Variants in FAM91A1 observed in about 807,000 individuals in gnomAD.
FAM91A1 encodes the protein family with sequence similarity 91 member A1, also known as protein FAM91A1.
FAM91A1 carries 41 observed loss-of-function variants against 113.5 expected under a neutral mutation model. The observed-to-expected ratio is 0.36, with a 90% CI of 0.28 to 0.47. FAM91A1 has a LOEUF of 0.47. Ranked by LOEUF, FAM91A1 falls within the 20% of genes least tolerant of loss-of-function variation. The pLI is 1.00. For synonymous variants in FAM91A1, 307 were observed against 347.9 expected, an observed-to-expected ratio of 0.88 and a Z score of 1.31; for missense variants, 696 against 1,001.2, an observed-to-expected ratio of 0.70 and a Z score of 4.11.
At position 123,787,247 on chromosome 8, in the gene FAM91A1, A is replaced by T. The variant is rs1234502929; in HGVS notation, c.1079-14A>T. 1.3e-6 allele frequency: 2 copies of T among 1,570,860 alleles called. No individual in the cohort carries two copies. The highest frequency in any genetic ancestry group is 1.7e-6 in the Non-Finnish European group (2 of 1,147,486). ...ATTTCCATTTACTTGATTTTAAATT[A>T]TGGTGTTTTTCAGCTGACACAGCCA... On this transcript the variant is annotated splice_polypyrimidine_tract_variant and intron_variant, in intron 12 of 23. Coordinates refer to ENST00000334705, the MANE Select transcript of FAM91A1 (RefSeq NM_144963.4).
intron 6 of FAM91A1, 33 bp from the exon 7 acceptor site, chr8:123,779,952 A>G (rs995914319): frequency 1.9e-6 from 3 of 1,575,166 alleles, no homozygotes; most frequent in Non-Finnish European, 2.6e-6. Flanking sequence ...TAATTTGGAC[A>G]GAACTTAATT....
intron 23 of FAM91A1, 108 bp downstream of exon 23, chr8:123,810,459 ATTAATT>A: frequency 1.0e-6 from 1 of 998,844 alleles, no homozygotes; most frequent in South Asian, 1.3e-5. Context: ...TGAAATAAAC[ATTAATT>A]TTATTGTACA....
chr8:123,797,579 GA>G (rs1422934042), intron 15 of FAM91A1, among the ~76,000 whole-genome samples: 1 of 152,000 alleles, frequency 6.6e-6, no homozygotes, highest in Non-Finnish European at 1.5e-5. Flanking sequence ...TCTTCCTTAT[GA>G]TTTTTTTTCT....
At chr8:123,803,396 C>T (rs2130143502) in intron 18 of FAM91A1, among the ~76,000 whole-genome samples, 1 of 152,268 alleles carries the variant, frequency 6.6e-6, no homozygotes, top group East Asian at 1.9e-4. Context: ...GCAGCCTCGA[C>T]TTCCCCTGGG....
At chr8:123,782,502 CTA>C (rs1426863608) in intron 8 of FAM91A1, among the ~76,000 whole-genome samples, 1 of 152,066 alleles carries the variant, frequency 6.6e-6, no homozygotes, top group Admixed American at 6.5e-5. Flanking sequence ...ATGAAAGGCT[CTA>C]TTATTAAATA....
chr8:123,783,109 G>A (rs773647198), intron 8 of FAM91A1, among the ~76,000 whole-genome samples: 3 of 152,086 alleles, frequency 2.0e-5, no homozygotes, highest in South Asian at 2.1e-4. Context: ...CTGGGAGGTC[G>A]AAGCTGCAGT....
Position 123,808,984 on chromosome 8 carries a change from A to G in FAM91A1, c.2229A>G (p.Lys743=). ...SSELNRKVCR[K]IAAHGLCRKE... is the part of the protein sequence containing the mutation. Reference sequence around the variant, plus strand: ...AATTAAACCGGAAAGTTTGTAGGAAAATTGCTGCACATGGCCTTTGCAGAA... The same window carrying G: ...AATTAAACCGGAAAGTTTGTAGGAAGATTGCTGCACATGGCCTTTGCAGAA... Residue 743 remains lysine (K), a synonymous_variant, in exon 22 of 24, where the codon AAA becomes AAG. Transcript: ENST00000334705. The G allele has an allele frequency of 6.2e-7, 1 of 1,613,188 alleles. No individual in the cohort carries two copies. The highest frequency in any genetic ancestry group is 8.5e-7 in the Non-Finnish European group (1 of 1,179,388).
intron 13 of FAM91A1, 72 bp downstream of exon 13, chr8:123,787,445 T>G (rs1815286306): frequency 8.1e-7 from 1 of 1,229,572 alleles, no homozygotes; most frequent in Non-Finnish European, 1.2e-6. Flanking sequence ...TTAATGCTTT[T>G]ATATCTTTTT....
chr8:123,796,238 A>G (rs1815517426), intron 15 of FAM91A1, among the ~76,000 whole-genome samples: 1 of 152,240 alleles, frequency 6.6e-6, no homozygotes, highest in Non-Finnish European at 1.5e-5. Flanking sequence ...TCTATGGAAG[A>G]GAACTCTAAT....
intron 15 of FAM91A1, among the ~76,000 whole-genome samples, chr8:123,794,845 G>C (rs1349945617): frequency 6.6e-6 from 1 of 152,220 alleles, no homozygotes; most frequent in Non-Finnish European, 1.5e-5. Flanking sequence ...ACTGCAGATT[G>C]AGATCTGCAG....
chr8:123,808,925 G>A lies in FAM91A1; in HGVS notation c.2170G>A (p.Glu724Lys), dbSNP rs749293427. 9 of 1,611,752 alleles carry A rather than the reference G, an allele frequency of 5.6e-6. No homozygotes were observed. The highest frequency in any genetic ancestry group is 4.5e-5 in the East Asian group (2 of 44,860). The change falls in exon 22 of 24, where the codon GAG becomes AAG. Residue 724 changes from glutamate to lysine, a missense_variant. Transcript: ENST00000334705. Reference sequence around the variant, plus strand: ...AACAGAAGCAGATTGGGTTCCTCTCGAGCTGTGCTTTGGAATTCCACTGTT... The same window carrying A: ...AACAGAAGCAGATTGGGTTCCTCTCAAGCTGTGCTTTGGAATTCCACTGTT... ...ATTEADWVPLELCFGIPLFSS... is the reference protein window; with the variant it reads ...ATTEADWVPLKLCFGIPLFSS...
chr8:123,787,147 T>G (rs757430017), intron 12 of FAM91A1, 114 bp from the exon 13 acceptor site: 3 of 785,646 alleles, frequency 3.8e-6, no homozygotes, highest in Non-Finnish European at 6.2e-6. Flanking sequence ...AGTGCCTTTT[T>G]AAAATTATGT....
chr8:123,798,323 T>C (rs998771316), intron 16 of FAM91A1, 85 bp downstream of exon 16: 2 of 1,435,554 alleles, frequency 1.4e-6, no homozygotes, highest in South Asian at 2.7e-5. Context: ...ATACCAACTA[T>C]TAAAATCACT....
intron 15 of FAM91A1, among the ~76,000 whole-genome samples, chr8:123,794,149 G>A (rs532200944): frequency 9.2e-5 from 14 of 152,154 alleles, no homozygotes; most frequent in African/African-American, 3.1e-4. Flanking sequence ...AGTGAACAAC[G>A]TGGCTATGAA....
intron 12 of FAM91A1, 48 bp downstream of exon 12, chr8:123,786,658 C>A (rs767095028): frequency 3.9e-6 from 5 of 1,288,330 alleles, no homozygotes; most frequent in African/African-American, 1.5e-5. Context: ...AGGTACGGCA[C>A]ATGTCCAAAC....
chr8:123,803,552 C>G (rs773491409), intron 18 of FAM91A1, among the ~76,000 whole-genome samples: 29 of 152,170 alleles, frequency 1.9e-4, no homozygotes, highest in Non-Finnish European at 3.4e-4. Context: ...ATCTGCCCGC[C>G]TTGACCTCCA....
rs150541546 is a variant in FAM91A1, at chr8:123,794,852, G to A, written c.1412-3238G>A. On this transcript the variant is annotated intron_variant, in intron 15 of 23. Transcript: ENST00000334705. Reference sequence around the variant, plus strand: ...TGGTATGTACTGCAGATTGAGATCTGCAGCTGCAGTTGCCCATCATTTCAA... The same window carrying A: ...TGGTATGTACTGCAGATTGAGATCTACAGCTGCAGTTGCCCATCATTTCAA... Among the ~76,000 whole-genome samples the A allele has an allele frequency of 2.3e-3, 355 of 152,342 alleles. 3 individuals carry two copies. The highest frequency in any genetic ancestry group is 0.014 in the Middle Eastern group (4 of 294).
intron 1 of FAM91A1, among the ~76,000 whole-genome samples, chr8:123,770,241 G>A (rs1215433189): frequency 1.3e-5 from 2 of 152,212 alleles, no homozygotes; most frequent in East Asian, 3.8e-4. Flanking sequence ...GTGAGCCACA[G>A]TGCCCAGCCA....
At chr8:123,799,465 G>T in intron 16 of FAM91A1, 55 bp from the exon 17 acceptor site, 1 of 1,528,420 alleles carries the variant, frequency 6.5e-7, no homozygotes, top group South Asian at 1.3e-5. Flanking sequence ...GACTGTTCTC[G>T]GTCACTTATG....
Sources: gnomAD v4.1 joint callset for allele counts (sites outside exome capture counted in the v4.1 genomes callset) on GRCh38, gnomAD v4.1.1 for gene constraint, MANE v1.5 for transcripts, NCBI Gene and HGNC (gene_info 2026-07-23, HGNC 2026-07-21) for gene names.